The following TTLL9 variants were observed in gnomAD, a reference collection of about 807,000 sequenced individuals.
The protein encoded by TTLL9 is probable tubulin polyglutamylase TTLL9.
In TTLL9, 47 loss-of-function variants were observed where a neutral mutation model predicts 65.6. The observed-to-expected ratio is 0.72, with a 90% CI of 0.57 to 0.91. The LOEUF is 0.91. Among genes scored for constraint, TTLL9 ranks in the 40% least tolerant of loss-of-function variants. TTLL9 has a pLI of 0.00. For missense variants in TTLL9, 537 were observed against 568.8 expected (o/e 0.94, Z 0.57); for synonymous variants, 179 against 204.8 (o/e 0.87, Z 1.07).
intron 2 of TTLL9, 109 bp from the exon 3 acceptor site, chr20:31,887,087 C>A: frequency 9.2e-7 from 1 of 1,091,610 alleles, no homozygotes. Context: ...AGAACCTAGG[C>A]ATTGTTGAGT....
chr20:31,930,172 C>T (rs1199741523), intron 10 of TTLL9, among the ~76,000 whole-genome samples: 1 of 152,052 alleles, frequency 6.6e-6, no homozygotes. Flanking sequence ...CTCCTATTGA[C>T]TGGTCCATTT....
intron 6 of TTLL9, among the ~76,000 whole-genome samples, chr20:31,915,416 AG>A (rs2063718712): frequency 6.6e-6 from 1 of 152,194 alleles, no homozygotes; most frequent in Non-Finnish European, 1.5e-5. Flanking sequence ...CAGGAGGCTG[AG>A]CTTGCAGTAA....
intron 4 of TTLL9, among the ~76,000 whole-genome samples, chr20:31,904,904 T>A (rs1193929523): frequency 6.6e-6 from 1 of 152,162 alleles, no homozygotes; most frequent in Non-Finnish European, 1.5e-5. Context: ...GGTCACGTAG[T>A]GCCAGTGCCT....
intron 4 of TTLL9, among the ~76,000 whole-genome samples, chr20:31,899,127 CT>C (rs2123466450): frequency 6.6e-6 from 1 of 152,330 alleles, no homozygotes; most frequent in East Asian, 1.9e-4. Flanking sequence ...GTAAAAGAGG[CT>C]TCGACATGCT....
rs2064267917 is a variant in TTLL9 at position 31,943,880 on chromosome 20, G to A, written c.*859G>A. Reference sequence around the variant, plus strand: ...AATCTGCCTTTTCACATCTTACATTGCTAAGCTTCCTCTTGGTTTAAGAGG... The same window carrying A: ...AATCTGCCTTTTCACATCTTACATTACTAAGCTTCCTCTTGGTTTAAGAGG... On this transcript the variant is annotated 3_prime_UTR_variant, in exon 15 of 15. Coordinates refer to ENST00000535842, the MANE Select transcript of TTLL9 (RefSeq NM_001008409.5). The A allele has an allele frequency of 2.2e-6, 1 of 455,858 alleles. No individual in the cohort carries two copies. The highest frequency in any genetic ancestry group is 2.0e-5 in the African/African-American group (1 of 50,122). 28.2% of individuals were successfully genotyped at this position (455,858 alleles called of 1,614,324 possible). A position where few individuals can be genotyped will look rare whatever the true frequency, so the allele number is the denominator to read the frequency against.
intron 2 of TTLL9, among the ~76,000 whole-genome samples, chr20:31,882,195 C>T (rs1263239390): frequency 6.6e-6 from 1 of 152,140 alleles, no homozygotes; most frequent in Non-Finnish European, 1.5e-5. Context: ...CCCATCTCCT[C>T]AAGGTTATGG....
chr20:31,943,921 C>G lies in TTLL9; in HGVS notation c.*900C>G. On this transcript the variant is annotated 3_prime_UTR_variant, in exon 15 of 15. Transcript: ENST00000535842. ...GTTTAAGAGGGGTTGCAACAAGACTCGGGGCTGTTGGGGTAACTGTTCCAG... is the reference window on the plus strand; with the variant it reads ...GTTTAAGAGGGGTTGCAACAAGACTGGGGGCTGTTGGGGTAACTGTTCCAG... 2.3e-6 allele frequency: 1 copy of G among 439,794 alleles called. No homozygotes were observed. 27.2% of individuals were successfully genotyped at this position (439,794 alleles called of 1,614,324 possible). A position where few individuals can be genotyped will look rare whatever the true frequency, so the allele number is the denominator to read the frequency against.
At chr20:31,873,862 AAGAAAGAAAGAAAGAAAGAAAG>A (rs2123356874) in intron 2 of TTLL9, among the ~76,000 whole-genome samples, 1 of 146,610 alleles carries the variant, frequency 6.8e-6, no homozygotes, top group African/African-American at 2.5e-5. Context: ...GAAAGAAAGA[AAGAAAGAAAGAAAGAAAGAAAG>A]AGAAAGAAAA....
intron 9 of TTLL9, 134 bp from the exon 10 acceptor site, chr20:31,925,915 C>T (rs768564269): frequency 7.1e-6 from 11 of 1,552,840 alleles, no homozygotes; most frequent in African/African-American, 4.1e-5. Context: ...TGGCTTTGCC[C>T]GATTCTCCAA....
chr20:31,905,958 G>T (rs1361007284), intron 4 of TTLL9, among the ~76,000 whole-genome samples: 1 of 149,422 alleles, frequency 6.7e-6, no homozygotes, highest in Admixed American at 6.7e-5. Flanking sequence ...GCTTGAACCC[G>T]AGAGGCGGAG....
chr20:31,942,274 G>A (rs1429269617), intron 14 of TTLL9, among the ~76,000 whole-genome samples: 2 of 152,202 alleles, frequency 1.3e-5, no homozygotes, highest in Non-Finnish European at 2.9e-5. Flanking sequence ...TCAAGGATCA[G>A]CTCTGAGAGC....
Position 31,943,100 on chromosome 20 carries a change from C to A in TTLL9, c.*79C>A. On this transcript the variant is annotated 3_prime_UTR_variant, in exon 15 of 15. Coordinates refer to ENST00000535842, the MANE Select transcript of TTLL9 (RefSeq NM_001008409.5). The stretch of plus-strand genomic sequence containing the variant: ...CCCACTCCCAGATCCCAGCACAGCA[C>A]CTCACAGCATTCGCCTCCCCACCTC... 7.4e-7 allele frequency: 1 copy of A among 1,355,698 alleles called. No individual in the cohort carries two copies. The highest frequency in any genetic ancestry group is 1.1e-6 in the Non-Finnish European group (1 of 951,060). The allele number at this position is 1,355,698 out of a possible 1,614,324, so 84.0% of individuals were successfully genotyped here.
chr20:31,914,717 T>A (rs987827461), intron 6 of TTLL9, among the ~76,000 whole-genome samples: 3 of 152,192 alleles, frequency 2.0e-5, no homozygotes, highest in African/African-American at 7.2e-5. Context: ...CTGAGCAGCC[T>A]TTGAAAGTTC....
chr20:31,889,742 T>C (rs1022156140), intron 3 of TTLL9, among the ~76,000 whole-genome samples: 1 of 151,806 alleles, frequency 6.6e-6, no homozygotes, highest in Non-Finnish European at 1.5e-5. Flanking sequence ...TTAATTTTTT[T>C]TTTTTTTTGT....
At chr20:31,893,285 C>CTTT (rs2063332936) in intron 3 of TTLL9, among the ~76,000 whole-genome samples, 1 of 139,806 alleles carries the variant, frequency 7.2e-6, no homozygotes, top group African/African-American at 2.7e-5. Context: ...GTCAGCTGTT[C>CTTT]TTTTTCTTTT....
At chr20:31,892,904 T>G (rs1238692737) in intron 3 of TTLL9, among the ~76,000 whole-genome samples, 1 of 152,232 alleles carries the variant, frequency 6.6e-6, no homozygotes, top group Non-Finnish European at 1.5e-5. Flanking sequence ...GTCATATATT[T>G]ACTTGTAAAT....
chr20:31,879,789 G>T, intron 2 of TTLL9: 1 of 1,543,870 alleles, frequency 6.5e-7, no homozygotes, highest in South Asian at 1.2e-5. Context: ...CAGAGCGGCG[G>T]ATCCAGGCGC....
At position 31,919,948 on chromosome 20, in the gene TTLL9, C is replaced by G; in HGVS notation, c.573+16C>G. 1.3e-6 allele frequency: 2 copies of G among 1,571,002 alleles called. No homozygotes were observed. The highest frequency in any genetic ancestry group is 1.7e-6 in the Non-Finnish European group (2 of 1,159,796). On this transcript the variant is annotated intron_variant, in intron 7 of 14. Coordinates refer to ENST00000535842, the MANE Select transcript of TTLL9 (RefSeq NM_001008409.5). ...CTGGAGGAAGGTGAGCCTGCCTCTT[C>G]CCCCTTCCTCCCTGAACCCTCCTCT...
At chr20:31,873,838 A>AAGAAAG (rs772223182) in intron 2 of TTLL9, among the ~76,000 whole-genome samples, 1 of 114,596 alleles carries the variant, frequency 8.7e-6, no homozygotes, top group African/African-American at 3.5e-5. Context: ...GAAAGAAAGA[A>AAGAAAG]AGAAAGAAAG....
Sources: gnomAD v4.1 joint callset for allele counts (sites outside exome capture counted in the v4.1 genomes callset) on GRCh38, gnomAD v4.1.1 for gene constraint, MANE v1.5 for transcripts, NCBI Gene and HGNC (gene_info 2026-07-23, HGNC 2026-07-21) for gene names.